Variants in RGS6 observed in about 807,000 individuals in gnomAD.
The protein encoded by RGS6 is regulator of G protein signaling 6, also known as regulator of G-protein signaling 6.
In RGS6, 30 loss-of-function variants were observed where a neutral mutation model predicts 78.5. The ratio of observed to expected loss-of-function variants is 0.38; its 90% confidence interval spans 0.29 to 0.52. The LOEUF (loss-of-function observed/expected upper bound fraction) is 0.52, where lower values mean the gene tolerates loss of function less well. RGS6 is among the 20% of genes least tolerant of loss of function. The pLI is 0.85. For missense variants in RGS6, 495 were observed against 609.7 expected (o/e 0.81, Z 1.98); for synonymous variants, 206 against 206.0 (o/e 1.00, Z 0.00).
In RGS6 at chr14:72,460,339, G is replaced by T. The variant is rs114590491; in HGVS notation, c.394+656G>T. The stretch of plus-strand genomic sequence containing the variant: ...CTATGCTTAAGAGAAAGAACCTGAG[G>T]CCCAGAGGGGCCACACCCTCACACT... On this transcript the variant is annotated intron_variant, in intron 6 of 17. Coordinates refer to ENST00000553525, the MANE Select transcript of RGS6 (RefSeq NM_001204424.2). 6.3e-3 allele frequency among the ~76,000 whole-genome samples: 963 copies of T among 152,292 alleles called. 8 individuals are homozygous for T. The highest frequency in any genetic ancestry group is 0.022 in the African/African-American group (904 of 41,552).
chr14:72,218,090 T>C (rs1187007434), intron 2 of RGS6, among the ~76,000 whole-genome samples: 3 of 152,220 alleles, frequency 2.0e-5, no homozygotes, highest in Admixed American at 6.5e-5. Context: ...TATTAAGATA[T>C]TCAAGCGTGT....
At chr14:72,625,929 C>G in the RGS6 span, among the ~76,000 whole-genome samples, 1 of 152,132 alleles carries the variant, frequency 6.6e-6, no homozygotes, top group East Asian at 1.9e-4. Context: ...TTCAGAATTA[C>G]TAATTCATAT....
chr14:72,203,560 G>GTCATGGCTGTTGGCTGACCTCAAATCCA (rs2042053650), intron 2 of RGS6, among the ~76,000 whole-genome samples: 3 of 152,088 alleles, frequency 2.0e-5, no homozygotes, highest in Non-Finnish European at 4.4e-5. Context: ...CCTCAAATCC[G>GTCATGGCTGTTGGCTGACCTCAAATCCA]TCATGGCTGT....
chr14:72,538,784 T>C (rs895626218), intron 16 of RGS6, among the ~76,000 whole-genome samples: 28 of 152,306 alleles, frequency 1.8e-4, no homozygotes, highest in African/African-American at 6.3e-4. Flanking sequence ...GTCGTTTGTG[T>C]TGTATTTTCC....
At chr14:72,077,865 T>C (rs2094643234) in intron 2 of RGS6, among the ~76,000 whole-genome samples, 1 of 152,214 alleles carries the variant, frequency 6.6e-6, no homozygotes, top group Non-Finnish European at 1.5e-5. Context: ...TTTGAAGTAT[T>C]ATATCTTCTA....
chr14:72,626,931 T>G, the RGS6 span, among the ~76,000 whole-genome samples: 1 of 151,990 alleles, frequency 6.6e-6, no homozygotes, highest in African/African-American at 2.4e-5. Flanking sequence ...TGAACTTTTT[T>G]TTTTTTTTGC....
intron 14 of RGS6, among the ~76,000 whole-genome samples, chr14:72,517,820 C>T (rs545784583): frequency 1.2e-4 from 18 of 152,330 alleles, no homozygotes; most frequent in African/African-American, 4.3e-4. Flanking sequence ...TTGATCCCAA[C>T]TAGATTTGAC....
At chr14:72,076,372 A>C (rs2094574184) in intron 2 of RGS6, among the ~76,000 whole-genome samples, 1 of 152,198 alleles carries the variant, frequency 6.6e-6, no homozygotes, top group Admixed American at 6.5e-5. Context: ...GCATTGCATT[A>C]CATGGATGTC....
chr14:71,952,878 A>T (rs1192309294), intron 1 of RGS6, among the ~76,000 whole-genome samples: 2 of 152,216 alleles, frequency 1.3e-5, no homozygotes, highest in East Asian at 3.8e-4. Context: ...TTTAAAAAAG[A>T]AAAAGCCAAT....
intron 2 of RGS6, among the ~76,000 whole-genome samples, chr14:72,181,584 T>A (rs2097173651): frequency 6.6e-6 from 1 of 152,228 alleles, no homozygotes; most frequent in Admixed American, 6.5e-5. Context: ...ACTAAACTGA[T>A]TCCTTCTGCA....
the RGS6 span, among the ~76,000 whole-genome samples, chr14:72,608,672 G>A: frequency 6.6e-6 from 1 of 152,184 alleles, no homozygotes; most frequent in South Asian, 2.1e-4. Flanking sequence ...CTCTACTCCT[G>A]CAGATGAAGC....
chr14:72,113,943 A>T (rs2095831204), intron 2 of RGS6, among the ~76,000 whole-genome samples: 1 of 152,202 alleles, frequency 6.6e-6, no homozygotes, highest in South Asian at 2.1e-4. Context: ...AAATTGTATT[A>T]TCACTGCTCT....
intron 2 of RGS6, among the ~76,000 whole-genome samples, chr14:72,035,784 A>T (rs1402461640): frequency 6.6e-6 from 1 of 152,150 alleles, no homozygotes; most frequent in African/African-American, 2.4e-5. Context: ...TTTAAAGGGG[A>T]AATAGCAAAA....
chr14:71,902,570 CG>C, the RGS6 span, among the ~76,000 whole-genome samples: 2 of 151,816 alleles, frequency 1.3e-5, no homozygotes, highest in African/African-American at 2.4e-5. Flanking sequence ...TGTTTGGAAA[CG>C]TAAGATTCAT....
At chr14:72,624,452 C>A in the RGS6 span, among the ~76,000 whole-genome samples, 12 of 151,730 alleles carry the variant, frequency 7.9e-5, no homozygotes, top group Non-Finnish European at 1.3e-4. Context: ...AATTCTCCTG[C>A]CTCAGCGTCC....
At position 72,202,918 on chromosome 14, in the gene RGS6, G is replaced by T. The variant is rs371012069; in HGVS notation, c.85-149177G>T. Among the ~76,000 whole-genome samples, 5 of 151,946 alleles carry T rather than the reference G, an allele frequency of 3.3e-5. No individual in the cohort carries two copies. In the East Asian group the frequency reaches 9.7e-4, roughly 29 times the overall value. ...GGCGGAGTCTCGCTCTGTCGCCCAG[G>T]CTGGAGTGCAGTGGCGCCATCTCTG... On this transcript the variant is annotated intron_variant, in intron 2 of 17. Transcript: ENST00000553525.
the RGS6 span, among the ~76,000 whole-genome samples, chr14:72,618,226 G>A: frequency 6.6e-6 from 1 of 152,154 alleles, no homozygotes; most frequent in Non-Finnish European, 1.5e-5. Context: ...AAAATTCCCA[G>A]TCAGGTCTCA....
chr14:72,225,270 C>A (rs1599857582), intron 2 of RGS6, among the ~76,000 whole-genome samples: 1 of 152,070 alleles, frequency 6.6e-6, no homozygotes, highest in Non-Finnish European at 1.5e-5. Context: ...TGGCCCTTGG[C>A]TTGTTTTGGG....
At chr14:72,307,530 T>C (rs1457082510) in intron 2 of RGS6, among the ~76,000 whole-genome samples, 1 of 152,220 alleles carries the variant, frequency 6.6e-6, no homozygotes, top group African/African-American at 2.4e-5. Flanking sequence ...ATAATTCTTT[T>C]TTCCATTAAC....
Sources: gnomAD v4.1 joint callset for allele counts (sites outside exome capture counted in the v4.1 genomes callset) on GRCh38, gnomAD v4.1.1 for gene constraint, MANE v1.5 for transcripts, NCBI Gene and HGNC (gene_info 2026-07-23, HGNC 2026-07-21) for gene names.